PKHD1L1: variants seen among roughly 807,000 people sequenced by gnomAD.
PKHD1L1 encodes fibrocystin-L.
In PKHD1L1, 434 loss-of-function variants were observed where a neutral mutation model predicts 462.9. That is an observed-to-expected ratio of 0.94 (90% CI 0.87 to 1.02). PKHD1L1 has a LOEUF of 1.02. Ranked by LOEUF, PKHD1L1 falls within the 50% of genes least tolerant of loss-of-function variation. PKHD1L1 has a pLI of 0.00. For synonymous variants in PKHD1L1, 1,781 were observed against 1,750.0 expected, an observed-to-expected ratio of 1.02 and a Z score of -0.44; for missense variants, 5,202 against 5,096.1, an observed-to-expected ratio of 1.02 and a Z score of -0.63.
intron 50 of PKHD1L1, chr8:109,470,704 G>T: frequency 6.3e-7 from 1 of 1,581,696 alleles, no homozygotes; most frequent in Non-Finnish European, 8.6e-7. Context: ...GGCAAATCTG[G>T]TTCAATTAGA....
At chr8:109,372,218 A>C (rs1230797923) in intron 2 of PKHD1L1, among the ~76,000 whole-genome samples, 3 of 152,178 alleles carry the variant, frequency 2.0e-5, no homozygotes, top group Admixed American at 6.5e-5. Flanking sequence ...GAGGCCCTTC[A>C]CATCCCTTGA....
chr8:109,479,586 G>A lies in PKHD1L1; in HGVS notation c.9125G>A (p.Arg3042Gln), dbSNP rs780204191. 23 of 1,536,216 alleles carry A rather than the reference G, an allele frequency of 1.5e-5. No homozygotes were observed. Among genetic ancestry groups the A allele is most frequent in the Admixed American group, 8.8e-5 (5 of 56,764 alleles). The change falls in exon 54 of 78, where the codon CGA (arginine) becomes CAA (glutamine). Residue 3042 changes from arginine (R) to glutamine (Q), a missense_variant. By Grantham distance (43) the Arg-to-Gln change is conservative (BLOSUM62 1). Coordinates refer to ENST00000378402, the MANE Select transcript of PKHD1L1 (RefSeq NM_177531.6). ...WSNDSFWQSS[R>Q]ENNYTVPHPG... is the part of the protein sequence containing the mutation. ...AATGATTCTTTTTGGCAATCATCACGAGAAAATAATTATACTGTACCTCAC... is the reference window on the plus strand; with the variant it reads ...AATGATTCTTTTTGGCAATCATCACAAGAAAATAATTATACTGTACCTCAC...
intron 58 of PKHD1L1, among the ~76,000 whole-genome samples, chr8:109,485,484 C>T (rs542219188): frequency 3.2e-4 from 49 of 152,070 alleles, no homozygotes; most frequent in African/African-American, 1.2e-3. Context: ...ATTTGAGGAT[C>T]CTTGATCCAA....
At chr8:109,506,717 G>T (rs962637736) in intron 68 of PKHD1L1, among the ~76,000 whole-genome samples, 1 of 152,052 alleles carries the variant, frequency 6.6e-6, no homozygotes, top group Non-Finnish European at 1.5e-5. Context: ...TATTATGTAA[G>T]GAATAACTTG....
rs376335057 is a variant in PKHD1L1, at chr8:109,454,807, G to A, written c.6829G>A (p.Gly2277Ser). Residue 2277 changes from glycine to serine, a missense_variant, in exon 45 of 78, where the codon GGT becomes AGT. Gly to Ser is a moderately conservative substitution (Grantham distance 56, BLOSUM62 0). Coordinates refer to ENST00000378402, the MANE Select transcript of PKHD1L1 (RefSeq NM_177531.6). ...GCGATCTCCTGAGCTCCCTGTCTATGGTGCCAAAACACTGGCTGTGCGGGA... is the reference window on the plus strand; with the variant it reads ...GCGATCTCCTGAGCTCCCTGTCTATAGTGCCAAAACACTGGCTGTGCGGGA... ...HLRSPELPVY[G>S]AKTLAVREGI... 1.2e-6 allele frequency: 2 copies of A among 1,613,674 alleles called. No individual in the cohort carries two copies. Among genetic ancestry groups the A allele is most frequent in the East Asian group, 2.2e-5 (1 of 44,880 alleles).
chr8:109,393,204 C>A (rs1812794084), intron 9 of PKHD1L1, among the ~76,000 whole-genome samples: 1 of 151,282 alleles, frequency 6.6e-6, no homozygotes, highest in Non-Finnish European at 1.5e-5. Context: ...AAAATATTTC[C>A]AGAGACTCTT....
In PKHD1L1 at chr8:109,450,818, T is replaced by A. The variant is rs534507961; in HGVS notation, c.6176-157T>A. Among the ~76,000 whole-genome samples the A allele has an allele frequency of 1.3e-3, 203 of 152,334 alleles. 2 individuals carry two copies. The highest frequency in any genetic ancestry group is 4.7e-3 in the African/African-American group (196 of 41,580). On this transcript the variant is annotated intron_variant, in intron 40 of 77. Coordinates refer to ENST00000378402, the MANE Select transcript of PKHD1L1 (RefSeq NM_177531.6). The stretch of plus-strand genomic sequence containing the variant: ...GAACTTTTGTAATGTTTTTGGCTAT[T>A]GCTAGAGGGCCACTATTATTCACAT...
At chr8:109,371,488 T>C (rs1489968501) in intron 2 of PKHD1L1, among the ~76,000 whole-genome samples, 1 of 150,570 alleles carries the variant, frequency 6.6e-6, no homozygotes, top group African/African-American at 2.4e-5. Flanking sequence ...TCTTTTGCTG[T>C]GCAGAAGCTC....
chr8:109,427,226 C>A, intron 25 of PKHD1L1, 70 bp downstream of exon 25: 1 of 1,147,702 alleles, frequency 8.7e-7, no homozygotes, highest in Non-Finnish European at 1.3e-6. Flanking sequence ...TGCCTTATTC[C>A]AAAAAGAACT....
intron 70 of PKHD1L1, among the ~76,000 whole-genome samples, chr8:109,508,553 CT>C (rs1410179615): frequency 2.0e-5 from 3 of 151,774 alleles, no homozygotes; most frequent in African/African-American, 7.3e-5. Flanking sequence ...CTGGAGTGAT[CT>C]TCATACTTTA....
In PKHD1L1 at chr8:109,464,342, A is replaced by G. The variant is rs750298127; in HGVS notation, c.7510A>G (p.Thr2504Ala). Reference protein sequence around the residue: ...AIHQAYNRAVTIHNTHHLLVE... With the variant: ...AIHQAYNRAVAIHNTHHLLVE... Reference sequence around the variant, plus strand: ...TCACCAGGCCTATAACAGAGCTGTTACTATTCATAACACACACCATCTTCT... The same window carrying G: ...TCACCAGGCCTATAACAGAGCTGTTGCTATTCATAACACACACCATCTTCT... The change falls in exon 49 of 78, where the codon ACT becomes GCT. Residue 2504 changes from threonine (T) to alanine (A), a missense_variant. Around this residue, in one of 3 missense-constraint regions of PKHD1L1, gnomAD observed 4,497 missense variants for 4,336.8 expected, o/e 1.04. Coordinates refer to ENST00000378402, the MANE Select transcript of PKHD1L1 (RefSeq NM_177531.6). The G allele has an allele frequency of 6.2e-7, 1 of 1,613,398 alleles. No homozygotes were observed. The highest frequency in any genetic ancestry group is 1.7e-5 in the Admixed American group (1 of 59,932).
intron 14 of PKHD1L1, among the ~76,000 whole-genome samples, chr8:109,402,443 A>G (rs1813318891): frequency 6.6e-6 from 1 of 152,094 alleles, no homozygotes; most frequent in Non-Finnish European, 1.5e-5. Context: ...AGTCTTAGAT[A>G]TTTGGGGCAT....
intron 9 of PKHD1L1, among the ~76,000 whole-genome samples, chr8:109,393,816 G>A (rs1175293688): frequency 1.3e-5 from 2 of 152,124 alleles, no homozygotes; most frequent in Admixed American, 6.6e-5. Flanking sequence ...GGCGGTCAGC[G>A]GAAGATCCCA....
chr8:109,517,454 TTGTC>T (rs1820329691), intron 72 of PKHD1L1, among the ~76,000 whole-genome samples: 1 of 152,150 alleles, frequency 6.6e-6, no homozygotes, highest in Non-Finnish European at 1.5e-5. Context: ...AATTCAGTGT[TTGTC>T]TGGGCTCAAT....
intron 54 of PKHD1L1, 82 bp downstream of exon 54, chr8:109,479,721 C>A: frequency 9.7e-7 from 1 of 1,026,004 alleles, no homozygotes; most frequent in Non-Finnish European, 1.4e-6. Context: ...ACAGTTTTAT[C>A]AGCACACCTT....
rs1446047623 is a variant in PKHD1L1, at chr8:109,530,929, T to C, written c.*839T>C. On this transcript the variant is annotated 3_prime_UTR_variant, in exon 78 of 78. Coordinates refer to ENST00000378402, the MANE Select transcript of PKHD1L1 (RefSeq NM_177531.6). ...GAAGTCAACAACAGAACAGAACTTA[T>C]TTTCAAGAAGATAAATTAGAGAATG... is the stretch of plus-strand genomic sequence containing the variant. Among the ~76,000 whole-genome samples, 1 of 152,126 alleles carries C rather than the reference T, an allele frequency of 6.6e-6. No individual in the cohort carries two copies. The highest frequency in any genetic ancestry group is 1.5e-5 in the Non-Finnish European group (1 of 68,012).
chr8:109,386,251 G>C (rs538175584), intron 6 of PKHD1L1, among the ~76,000 whole-genome samples: 2 of 152,184 alleles, frequency 1.3e-5, no homozygotes, highest in African/African-American at 2.4e-5. Context: ...GTTGTCACTA[G>C]AGTTTCCTCC....
At position 109,400,301 on chromosome 8, in the gene PKHD1L1, G is replaced by A. The variant is rs202180175; in HGVS notation, c.1238G>A (p.Arg413His). 1,510 of 1,613,282 alleles carry A rather than the reference G, an allele frequency of 9.4e-4. 3 individuals are homozygous for A. The highest frequency in any genetic ancestry group is 8.4e-4 in the Non-Finnish European group (990 of 1,179,460). The change falls in exon 13 of 78, where the codon CGT becomes CAT. Residue 413 changes from arginine to histidine, a missense_variant. Arg to His is a conservative substitution (Grantham distance 29). Transcript: ENST00000378402. ...VYRFYIKGDD[R>H]YAIYFSQTGL... ...AGATTCTACATCAAGGGTGATGACC[G>A]TTATGCTATTTATTTTAGCCAGACT...
chr8:109,371,857 G>C (rs1327902560), intron 2 of PKHD1L1, among the ~76,000 whole-genome samples: 1 of 152,022 alleles, frequency 6.6e-6, no homozygotes, highest in African/African-American at 2.4e-5. Flanking sequence ...TGTTCCATTG[G>C]TCTATATCTC....
Sources: allele counts gnomAD v4.1 joint callset (sites outside exome capture counted in the v4.1 genomes callset), GRCh38; gene constraint gnomAD v4.1.1; regional missense constraint gnomAD v4.1.1; transcripts MANE v1.5; gene names NCBI Gene and HGNC (gene_info 2026-07-23, HGNC 2026-07-21).